The following SLC6A6 variants were observed in gnomAD, a reference collection of about 807,000 sequenced individuals.
The protein encoded by SLC6A6 is sodium- and chloride-dependent taurine transporter.
In SLC6A6, 16 loss-of-function variants were observed where a neutral mutation model predicts 68.8. The ratio of observed to expected loss-of-function variants is 0.23; its 90% confidence interval spans 0.16 to 0.35. SLC6A6 has a LOEUF of 0.35. SLC6A6 is among the 10% of genes least tolerant of loss of function. The pLI, the probability that SLC6A6 is intolerant of heterozygous loss-of-function variation, is 1.00. For missense variants in SLC6A6, 474 were observed against 802.8 expected (o/e 0.59, Z 4.95); for synonymous variants, 312 against 315.4 (o/e 0.99, Z 0.12).
At chr3:14,455,734 C>G (rs1185631150) in intron 5 of SLC6A6, among the ~76,000 whole-genome samples, 3 of 152,216 alleles carry the variant, frequency 2.0e-5, no homozygotes, top group African/African-American at 7.2e-5. Flanking sequence ...CCCTGGCTTT[C>G]ACTGAAGGTG....
intron 2 of SLC6A6, among the ~76,000 whole-genome samples, chr3:14,424,800 C>G (rs1322826097): frequency 6.6e-6 from 1 of 152,184 alleles, no homozygotes; most frequent in Non-Finnish European, 1.5e-5. Flanking sequence ...CCCACTCTAA[C>G]GAGGTGTCTA....
intron 14 of SLC6A6, 95 bp from the exon 15 acceptor site, chr3:14,484,772 C>T (rs1196455217): frequency 6.1e-6 from 8 of 1,319,902 alleles, no homozygotes; most frequent in Admixed American, 1.9e-5. Context: ...AACCAAACAG[C>T]ACATGAGCCA....
At position 14,408,937 on chromosome 3, in the gene SLC6A6, G is replaced by A. The variant is rs1699171621; in HGVS notation, c.-54+6090G>A. Among the ~76,000 whole-genome samples the A allele has an allele frequency of 1.3e-5, 2 of 152,116 alleles. 1 individual carries two copies. Among genetic ancestry groups the A allele is most frequent in the South Asian group, 4.1e-4 (2 of 4,830 alleles). On this transcript the variant is annotated intron_variant, in intron 1 of 14. Transcript: ENST00000622186. ...TTCTCCTGCCTCAGCCTCCCAAGTAGCTGGGACTACAGGCACCCGCTACCA... is the reference window on the plus strand; with the variant it reads ...TTCTCCTGCCTCAGCCTCCCAAGTAACTGGGACTACAGGCACCCGCTACCA...
chr3:14,419,501 T>C (rs2124909371), intron 2 of SLC6A6, among the ~76,000 whole-genome samples: 1 of 152,338 alleles, frequency 6.6e-6, no homozygotes, highest in African/African-American at 2.4e-5. Context: ...ACCCATGTAG[T>C]GGAGTCCATG....
At chr3:14,425,764 G>A (rs555543239) in intron 2 of SLC6A6, among the ~76,000 whole-genome samples, 6 of 152,254 alleles carry the variant, frequency 3.9e-5, no homozygotes, top group Admixed American at 2.6e-4. Flanking sequence ...GGTGTGGGTT[G>A]GGAGACTACC....
rs200063855 is a variant in SLC6A6 at position 14,484,946 on chromosome 3, G to T, written c.1802G>T (p.Arg601Leu). Reference protein sequence around the residue: ...EREGATPYNSRTVMNGALVKP... With the variant: ...EREGATPYNSLTVMNGALVKP... ...GAGGGAGCCACACCTTACAACTCTC[G>T]CACCGTCATGAACGGCGCTCTCGTG... Residue 601 changes from arginine to leucine, a missense_variant, in exon 15 of 15, where the codon CGC (arginine) becomes CTC (leucine). By Grantham distance (102) the Arg-to-Leu change is moderately radical (BLOSUM62 -2). Transcript: ENST00000622186. 1 of 1,612,936 alleles carries T rather than the reference G, an allele frequency of 6.2e-7. No individual in the cohort carries two copies. The highest frequency in any genetic ancestry group is 8.5e-7 in the Non-Finnish European group (1 of 1,179,926).
In SLC6A6 at chr3:14,485,173, T is replaced by TGTG. The variant is rs1701123025; in HGVS notation, c.*167_*169dup. 2.0e-6 allele frequency: 1 copy of TGTG among 497,112 alleles called. No individual in the cohort carries two copies. The highest frequency in any genetic ancestry group is 3.5e-6 in the Non-Finnish European group (1 of 285,424). The allele number at this position is 497,112 out of a possible 1,614,324, so 30.8% of individuals were successfully genotyped here. A position where few individuals can be genotyped will look rare whatever the true frequency, so the allele number is the denominator to read the frequency against. Reference sequence around the variant, plus strand: ...ATGTGTGCGTGCGTGTGTGTGTGTGTGTGTATCGTGTGTGTGTGTTTTGTT... The same window carrying TGTG: ...ATGTGTGCGTGCGTGTGTGTGTGTGTGTGGTGTATCGTGTGTGTGTGTTTTGTT... On this transcript the variant is annotated 3_prime_UTR_variant, in exon 15 of 15. Transcript: ENST00000622186.
chr3:14,437,747 G>GT (rs1350207163), intron 2 of SLC6A6, among the ~76,000 whole-genome samples: 6 of 151,754 alleles, frequency 4.0e-5, no homozygotes, highest in African/African-American at 1.2e-4. Flanking sequence ...AAATTTTGTG[G>GT]TTTTTGACCA....
chr3:14,464,362 T>A lies in SLC6A6; in HGVS notation c.733-2154T>A, dbSNP rs181825186. On this transcript the variant is annotated intron_variant, in intron 6 of 14. Coordinates refer to ENST00000622186, the MANE Select transcript of SLC6A6 (RefSeq NM_003043.6). ...GTGACCCTGGGCAAGTGATGGACTC[T>A]CTCTGGGCCTCAGTTTTATTGTTGC... Among the ~76,000 whole-genome samples, 329 of 152,304 alleles carry A rather than the reference T, an allele frequency of 2.2e-3. 2 individuals carry two copies. The highest frequency in any genetic ancestry group is 7.6e-3 in the African/African-American group (316 of 41,568).
At chr3:14,438,473 C>G (rs145755188) in intron 2 of SLC6A6, among the ~76,000 whole-genome samples, 1 of 152,064 alleles carries the variant, frequency 6.6e-6, no homozygotes, top group African/African-American at 2.4e-5. Context: ...GTGGAAAGGG[C>G]GGGGCAAGGG....
At chr3:14,427,918 G>C (rs1244933979) in intron 2 of SLC6A6, among the ~76,000 whole-genome samples, 1 of 152,214 alleles carries the variant, frequency 6.6e-6, no homozygotes, top group East Asian at 1.9e-4. Flanking sequence ...CCAAGGGCCA[G>C]AAGGGTACTC....
rs1276069382 is a variant in SLC6A6 at position 14,450,012 on chromosome 3, A to C, written c.599+2196A>C. Among the ~76,000 whole-genome samples, 3 of 152,144 alleles carry C rather than the reference A, an allele frequency of 2.0e-5. No homozygotes were observed. The highest frequency in any genetic ancestry group is 7.2e-5 in the African/African-American group (3 of 41,424). The stretch of plus-strand genomic sequence containing the variant: ...TGATCTGCCTGCCTCAGCCTCCCAA[A>C]GTGCTGGGATTACAGGCGTGAGCCA... On this transcript the variant is annotated intron_variant, in intron 5 of 14. Coordinates refer to ENST00000622186, the MANE Select transcript of SLC6A6 (RefSeq NM_003043.6). This position sits in a 1 kb window ranked among gnomAD's most constrained non-coding sequence, Gnocchi z 4.1.
intron 2 of SLC6A6, among the ~76,000 whole-genome samples, chr3:14,437,361 G>T (rs1467956036): frequency 6.6e-6 from 1 of 151,928 alleles, no homozygotes; most frequent in Non-Finnish European, 1.5e-5. Flanking sequence ...AGGCTCAAGT[G>T]ACCCTCCCAC....
Position 14,468,347 on chromosome 3 carries a change from C to T in SLC6A6, c.1096+135C>T. 1.4e-6 allele frequency: 1 copy of T among 717,418 alleles called. No individual in the cohort carries two copies. Among genetic ancestry groups the T allele is most frequent in the Non-Finnish European group, 2.2e-6 (1 of 461,354 alleles). 44.4% of individuals were successfully genotyped at this position (717,418 alleles called of 1,614,324 possible). Reference sequence around the variant, plus strand: ...GTTTCTAAAATGGACCCCCCCCCCGCCACCAAGATATCCCCCAAATTTCAA... The same window carrying T: ...GTTTCTAAAATGGACCCCCCCCCCGTCACCAAGATATCCCCCAAATTTCAA... On this transcript the variant is annotated intron_variant, in intron 9 of 14. Coordinates refer to ENST00000622186, the MANE Select transcript of SLC6A6 (RefSeq NM_003043.6). The surrounding 1 kb of genome is among the most constrained non-coding windows in gnomAD (Gnocchi z 4.5).
At chr3:14,452,628 C>T (rs531758275) in intron 5 of SLC6A6, among the ~76,000 whole-genome samples, 2 of 151,580 alleles carry the variant, frequency 1.3e-5, no homozygotes, top group East Asian at 3.9e-4. Flanking sequence ...GGTCTTCTCT[C>T]GGCCTGGACC....
chr3:14,417,373 T>C (rs1699383837), intron 2 of SLC6A6, among the ~76,000 whole-genome samples: 1 of 152,162 alleles, frequency 6.6e-6, no homozygotes, highest in African/African-American at 2.4e-5. Context: ...CCATTTTTGC[T>C]GAATCATTGG....
chr3:14,461,007 T>G (rs1700482292), intron 6 of SLC6A6, among the ~76,000 whole-genome samples: 1 of 151,832 alleles, frequency 6.6e-6, no homozygotes, highest in Non-Finnish European at 1.5e-5. Context: ...CAAGGAGGAG[T>G]TGGAGGGTAA....
At chr3:14,483,245 C>T (rs947949946) in intron 14 of SLC6A6, among the ~76,000 whole-genome samples, 1 of 152,132 alleles carries the variant, frequency 6.6e-6, no homozygotes, top group Non-Finnish European at 1.5e-5. Flanking sequence ...ACTGGTACCC[C>T]GTCCTCCTGT....
In SLC6A6 at chr3:14,446,445, A is replaced by G. The variant is rs376905366; in HGVS notation, c.364+594A>G. On this transcript the variant is annotated intron_variant, in intron 4 of 14. Transcript: ENST00000622186. Reference sequence around the variant, plus strand: ...GGGAGCAAGGGCTGAAAGACTACCTATGGCATACTGTGTTCACTACTTGGG... The same window carrying G: ...GGGAGCAAGGGCTGAAAGACTACCTGTGGCATACTGTGTTCACTACTTGGG... Among the ~76,000 whole-genome samples, 163 of 152,306 alleles carry G rather than the reference A, an allele frequency of 1.1e-3. 5 individuals are homozygous for G. In the South Asian group the frequency reaches 0.03, roughly 28 times the overall value.
Sources: allele counts gnomAD v4.1 joint callset (sites outside exome capture counted in the v4.1 genomes callset), GRCh38; gene constraint gnomAD v4.1.1; non-coding constraint Gnocchi (gnomAD v3.1); transcripts MANE v1.5; gene names NCBI Gene and HGNC (gene_info 2026-07-23, HGNC 2026-07-21).